The following ZFAND3 variants were observed in gnomAD, a reference collection of about 807,000 sequenced individuals.
ZFAND3 encodes zinc finger AN1-type containing 3.
In ZFAND3, 10 loss-of-function variants were observed where a neutral mutation model predicts 29.6. The ratio of observed to expected loss-of-function variants is 0.34; its 90% CI spans 0.21 to 0.57. The LOEUF is 0.57. Ranked by LOEUF, ZFAND3 falls within the 20% of genes least tolerant of loss-of-function variation. The probability of loss-of-function intolerance (pLI) is 0.86; values close to 1 mark genes in which losing one functional copy is unlikely to be tolerated. For missense variants in ZFAND3, 230 were observed against 304.5 expected (o/e 0.76, Z 1.82); for synonymous variants, 128 against 112.6 (o/e 1.14, Z -0.87).
intron 2 of ZFAND3, among the ~76,000 whole-genome samples, chr6:38,013,906 A>G (rs1057110887): frequency 6.6e-6 from 1 of 152,218 alleles, no homozygotes; most frequent in Non-Finnish European, 1.5e-5. Context: ...TGGGTACTAA[A>G]GTTAAACTCC....
intron 5 of ZFAND3, among the ~76,000 whole-genome samples, chr6:38,131,159 C>T (rs56206533): frequency 0.02 from 3,083 of 152,146 alleles, 46 homozygotes; most frequent in Non-Finnish European, 0.032. Flanking sequence ...GTAATCTCTT[C>T]CGTTTCATTT....
chr6:38,124,466 C>T (rs867906766), intron 5 of ZFAND3, among the ~76,000 whole-genome samples: 5 of 152,298 alleles, frequency 3.3e-5, no homozygotes, highest in African/African-American at 1.2e-4. Context: ...GGCTGCAGGT[C>T]CTGAGCCCTG....
rs999342013 is a variant in ZFAND3 at position 38,153,696 on chromosome 6, C to T, written c.*1307C>T. Reference sequence around the variant, plus strand: ...GAAGGGTGGGGGTGGGCCTGGTTGCCCCATGTTAGGAAATCACTACCAGTC... The same window carrying T: ...GAAGGGTGGGGGTGGGCCTGGTTGCTCCATGTTAGGAAATCACTACCAGTC... On this transcript the variant is annotated 3_prime_UTR_variant, in exon 6 of 6. Transcript: ENST00000287218. 3.4e-4 allele frequency: 336 copies of T among 985,164 alleles called. 1 individual carries two copies. Among genetic ancestry groups the T allele is most frequent in the Non-Finnish European group, 3.8e-4 (316 of 829,908 alleles). 61.0% of individuals were successfully genotyped at this position (985,164 alleles called of 1,614,324 possible).
chr6:37,958,097 TTTA>T (rs1762132260), intron 2 of ZFAND3, among the ~76,000 whole-genome samples: 2 of 152,230 alleles, frequency 1.3e-5, no homozygotes, highest in Admixed American at 6.5e-5. Context: ...AATATTTGTC[TTTA>T]TTCTTTAGTG....
intron 2 of ZFAND3, among the ~76,000 whole-genome samples, chr6:37,982,779 A>G (rs1762601869): frequency 6.6e-6 from 1 of 152,208 alleles, no homozygotes; most frequent in Non-Finnish European, 1.5e-5. Context: ...AGCCTCAGGC[A>G]ACTCCTTCGG....
At chr6:38,040,941 A>G (rs1490730253) in intron 2 of ZFAND3, among the ~76,000 whole-genome samples, 2 of 152,194 alleles carry the variant, frequency 1.3e-5, no homozygotes, top group African/African-American at 4.8e-5. Flanking sequence ...TTTAAAGATA[A>G]CTATTCCCTG....
At chr6:37,837,283 G>A (rs567935731) in intron 1 of ZFAND3, among the ~76,000 whole-genome samples, 46 of 152,282 alleles carry the variant, frequency 3.0e-4, no homozygotes, top group African/African-American at 1.0e-3. Context: ...AAGAAGAAAG[G>A]ACATATTGGA....
intron 4 of ZFAND3, among the ~76,000 whole-genome samples, chr6:38,106,001 A>G (rs1213612512): frequency 6.6e-6 from 1 of 152,022 alleles, no homozygotes; most frequent in African/African-American, 2.4e-5. Flanking sequence ...AGGGAGGGAG[A>G]AGACAGACAA....
chr6:38,024,941 ATGGTTTATTTTATGTTC>A (rs1366469754), intron 2 of ZFAND3, among the ~76,000 whole-genome samples: 1 of 152,224 alleles, frequency 6.6e-6, no homozygotes, highest in Non-Finnish European at 1.5e-5. Flanking sequence ...TCACTTTAAA[ATGGTTTATTTTATGTTC>A]TGTGAATTTC....
At chr6:37,951,361 GAC>G (rs1761994872) in intron 2 of ZFAND3, among the ~76,000 whole-genome samples, 1 of 152,168 alleles carries the variant, frequency 6.6e-6, no homozygotes, top group Non-Finnish European at 1.5e-5. Context: ...GGGAGGCCGA[GAC>G]AGGCGAATCA....
chr6:38,146,961 G>A (rs982489406), intron 5 of ZFAND3, among the ~76,000 whole-genome samples: 3 of 152,112 alleles, frequency 2.0e-5, no homozygotes, highest in Admixed American at 2.0e-4. Context: ...AATGTATGGG[G>A]TACATGAGAA....
intron 1 of ZFAND3, among the ~76,000 whole-genome samples, chr6:37,842,940 A>T (rs1156427022): frequency 6.6e-6 from 1 of 151,194 alleles, no homozygotes; most frequent in African/African-American, 2.4e-5. Flanking sequence ...TGGCCAACAT[A>T]GCAAAACCCC....
intron 5 of ZFAND3, among the ~76,000 whole-genome samples, chr6:38,124,597 C>T (rs1376349570): frequency 1.3e-5 from 2 of 152,222 alleles, no homozygotes; most frequent in Non-Finnish European, 2.9e-5. Context: ...CCCTCACTGC[C>T]CCGGGCCGCT....
chr6:38,154,545 T>G lies in ZFAND3; in HGVS notation c.*2156T>G. ...CTAGAGCTCAGTTTTAGTTTTAACA[T>G]TGTGAAAATATTAAAAGAATCTTGT... is the stretch of plus-strand genomic sequence containing the variant. On this transcript the variant is annotated 3_prime_UTR_variant, in exon 6 of 6. Transcript: ENST00000287218. 1 of 976,402 alleles carries G rather than the reference T, an allele frequency of 1.0e-6. No individual in the cohort carries two copies. Among genetic ancestry groups the G allele is most frequent in the Non-Finnish European group, 1.2e-6 (1 of 821,294 alleles). 60.5% of individuals were successfully genotyped at this position (976,402 alleles called of 1,614,324 possible).
At chr6:38,103,215 T>C (rs1433016464) in intron 4 of ZFAND3, among the ~76,000 whole-genome samples, 1 of 152,126 alleles carries the variant, frequency 6.6e-6, no homozygotes, top group Non-Finnish European at 1.5e-5. Context: ...CATCATTTGG[T>C]TATGACGTTA....
At chr6:37,883,236 A>G (rs951806930) in intron 1 of ZFAND3, among the ~76,000 whole-genome samples, 14 of 152,130 alleles carry the variant, frequency 9.2e-5, no homozygotes, top group African/African-American at 9.7e-5. Context: ...AAAAACACAA[A>G]CAAAACTAAA....
chr6:37,864,397 A>T (rs1764546233), intron 1 of ZFAND3, among the ~76,000 whole-genome samples: 1 of 152,220 alleles, frequency 6.6e-6, no homozygotes, highest in Admixed American at 6.5e-5. Context: ...TTCTACATGC[A>T]CATGTGTAGA....
At chr6:37,975,989 T>C (rs1332987758) in intron 2 of ZFAND3, among the ~76,000 whole-genome samples, 1 of 152,182 alleles carries the variant, frequency 6.6e-6, no homozygotes. Context: ...TTAACAATGT[T>C]GAGTCTTTCA....
intron 2 of ZFAND3, among the ~76,000 whole-genome samples, chr6:38,017,020 G>C (rs985754746): frequency 2.0e-5 from 3 of 152,134 alleles, no homozygotes; most frequent in African/African-American, 7.2e-5. Context: ...CTTGCCTTCT[G>C]ACCAAATTCA....
Sources: allele counts gnomAD v4.1 joint callset (sites outside exome capture counted in the v4.1 genomes callset), GRCh38; gene constraint gnomAD v4.1.1; transcripts MANE v1.5; gene names NCBI Gene and HGNC (gene_info 2026-07-23, HGNC 2026-07-21).